Variants in PRKCA observed in about 807,000 individuals in gnomAD.
The protein encoded by PRKCA is protein kinase C alpha.
A neutral mutation model predicts 87.0 loss-of-function variants in PRKCA; 27 were observed. The observed-to-expected ratio is 0.31, with a 90% CI of 0.23 to 0.43. The LOEUF (loss-of-function observed/expected upper bound fraction) is 0.43. Ranked by LOEUF, PRKCA falls within the 20% of genes least tolerant of loss-of-function variation. The pLI is 1.00. For synonymous variants in PRKCA, 329 were observed against 311.1 expected, an observed-to-expected ratio of 1.06 and a Z score of -0.61; for missense variants, 518 against 852.3, an observed-to-expected ratio of 0.61 and a Z score of 4.88.
chr17:66,595,562 C>A (rs1340029155), intron 3 of PRKCA, among the ~76,000 whole-genome samples: 1 of 150,646 alleles, frequency 6.6e-6, no homozygotes, highest in Non-Finnish European at 1.5e-5. Flanking sequence ...CAGGTTCACG[C>A]TATTCTCCTG....
chr17:66,376,395 G>T (rs1909416068), intron 2 of PRKCA, among the ~76,000 whole-genome samples: 1 of 152,208 alleles, frequency 6.6e-6, no homozygotes, highest in Non-Finnish European at 1.5e-5. Context: ...ATCACCTGAG[G>T]TCAGGAGTTC....
chr17:66,640,988 C>A, intron 3 of PRKCA: 1 of 316,012 alleles, frequency 3.2e-6, no homozygotes, highest in Non-Finnish European at 6.2e-6. Flanking sequence ...TGGTGAAACC[C>A]CATCTCTACT....
chr17:66,523,912 T>C (rs1293983808), intron 3 of PRKCA, among the ~76,000 whole-genome samples: 2 of 152,236 alleles, frequency 1.3e-5, no homozygotes, highest in Admixed American at 6.5e-5. Flanking sequence ...TTACTATTTA[T>C]AGTTGCTTAT....
chr17:66,377,701 T>TATATATATA (rs1491432626), intron 2 of PRKCA, among the ~76,000 whole-genome samples: 6 of 77,938 alleles, frequency 7.7e-5, no homozygotes, highest in African/African-American at 3.2e-4. Context: ...AGTCTATGTT[T>TATATATATA]TATATATATA....
intron 14 of PRKCA, chr17:66,774,652 A>G (rs1975008911): frequency 1.0e-6 from 1 of 987,030 alleles, no homozygotes; most frequent in South Asian, 4.7e-5. Context: ...TGATGACAGC[A>G]GTGGCCTCTA....
chr17:66,357,054 C>A (rs1298438613), intron 2 of PRKCA, among the ~76,000 whole-genome samples: 1 of 152,216 alleles, frequency 6.6e-6, no homozygotes, highest in African/African-American at 2.4e-5. Flanking sequence ...GCCACCACGC[C>A]CAGCCAAAAT....
intron 8 of PRKCA, among the ~76,000 whole-genome samples, chr17:66,690,619 G>A (rs1378448503): frequency 6.6e-6 from 1 of 152,098 alleles, no homozygotes; most frequent in Non-Finnish European, 1.5e-5. Context: ...GATCACTTGA[G>A]GTCAGGAGTT....
intron 16 of PRKCA, among the ~76,000 whole-genome samples, chr17:66,800,611 T>G (rs1364898370): frequency 6.6e-6 from 1 of 152,224 alleles, no homozygotes; most frequent in Non-Finnish European, 1.5e-5. Flanking sequence ...TAATTTTTCC[T>G]TGGCAGTAAA....
intron 14 of PRKCA, among the ~76,000 whole-genome samples, chr17:66,781,868 G>GAGATATATATATATAT (rs1491546533): frequency 1.3e-4 from 13 of 99,340 alleles, no homozygotes; most frequent in African/African-American, 5.0e-4. Context: ...GAGAGAGAGA[G>GAGATATATATATATAT]ATATATATAT....
At chr17:66,540,662 T>C (rs1316936880) in intron 3 of PRKCA, among the ~76,000 whole-genome samples, 1 of 151,822 alleles carries the variant, frequency 6.6e-6, no homozygotes, top group Admixed American at 6.6e-5. Flanking sequence ...TTGCAGAGGG[T>C]TCCTAGGCTG....
At chr17:66,494,369 G>A (rs1703281502) in intron 2 of PRKCA, among the ~76,000 whole-genome samples, 1 of 152,182 alleles carries the variant, frequency 6.6e-6, no homozygotes, top group African/African-American at 2.4e-5. Context: ...GAAGATCAAG[G>A]TGCCAGCATT....
chr17:66,303,272 A>G (rs1027333238), intron 1 of PRKCA, among the ~76,000 whole-genome samples: 1 of 151,704 alleles, frequency 6.6e-6, no homozygotes, highest in African/African-American at 2.4e-5. Context: ...TACGGTGGCG[A>G]AGGGGATCCC....
intron 2 of PRKCA, among the ~76,000 whole-genome samples, chr17:66,337,095 G>A (rs8076449): frequency 1 from 152,215 of 152,264 alleles, 76,083 homozygotes; most frequent in Non-Finnish European, 1. Context: ...CCAGCCAGAC[G>A]TGCCTTCTTT....
chr17:66,495,077 C>G (rs112141834), intron 2 of PRKCA, among the ~76,000 whole-genome samples: 3,919 of 138,862 alleles, frequency 0.028, 168 homozygotes, highest in African/African-American at 0.099. Flanking sequence ...ACTCCAGCCT[C>G]GGTGACAAAG....
At chr17:66,576,785 TAGAG>T (rs925090882) in intron 3 of PRKCA, among the ~76,000 whole-genome samples, 1 of 152,278 alleles carries the variant, frequency 6.6e-6, no homozygotes, top group East Asian at 1.9e-4. Context: ...TCTTTTCACT[TAGAG>T]AGGGCTTAGG....
intron 2 of PRKCA, among the ~76,000 whole-genome samples, chr17:66,357,019 A>G (rs1257359615): frequency 2.0e-5 from 3 of 152,194 alleles, no homozygotes; most frequent in Non-Finnish European, 2.9e-5. Flanking sequence ...TCAGCCTCCC[A>G]AAGTGCTGGG....
chr17:66,504,254 T>C (rs1916871181), intron 3 of PRKCA, among the ~76,000 whole-genome samples: 1 of 151,384 alleles, frequency 6.6e-6, no homozygotes, highest in South Asian at 2.1e-4. Context: ...ATCCTCTAAT[T>C]GCAAGGGTAA....
At chr17:66,612,605 A>T (rs1331790797) in intron 3 of PRKCA, among the ~76,000 whole-genome samples, 2 of 152,068 alleles carry the variant, frequency 1.3e-5, no homozygotes, top group Non-Finnish European at 2.9e-5. Context: ...TGCTGGGAGA[A>T]TACTGAGTTA....
chr17:66,707,179 C>G (rs895059700), intron 8 of PRKCA, among the ~76,000 whole-genome samples: 1 of 152,156 alleles, frequency 6.6e-6, no homozygotes, highest in African/African-American at 2.4e-5. Context: ...CCCTTCTCCT[C>G]CACTTCCGTC....
Sources: gnomAD v4.1 joint callset for allele counts (sites outside exome capture counted in the v4.1 genomes callset) on GRCh38, gnomAD v4.1.1 for gene constraint, MANE v1.5 for transcripts, NCBI Gene and HGNC (gene_info 2026-07-23, HGNC 2026-07-21) for gene names.